The following FRMD4A variants were observed in gnomAD, a reference collection of about 807,000 sequenced individuals.
FRMD4A encodes the protein FERM domain containing 4A, also known as FERM domain-containing protein 4A.
FRMD4A carries 29 observed loss-of-function variants against 129.1 expected under a neutral mutation model. That is an observed-to-expected ratio of 0.22 (90% confidence interval 0.17 to 0.31). The LOEUF is 0.31. FRMD4A is among the 10% of genes least tolerant of loss of function. FRMD4A has a pLI of 1.00. For synonymous variants in FRMD4A, 634 were observed against 571.6 expected, an observed-to-expected ratio of 1.11 and a Z score of -1.56; for missense variants, 1,272 against 1,375.8, an observed-to-expected ratio of 0.92 and a Z score of 1.19.
At chr10:14,131,343 T>C (rs1011860028) in intron 2 of FRMD4A, among the ~76,000 whole-genome samples, 1 of 151,812 alleles carries the variant, frequency 6.6e-6, no homozygotes, top group African/African-American at 2.4e-5. Flanking sequence ...GATGGCAGAG[T>C]AGAAGCAAAG....
chr10:13,716,391 C>G (rs999204359), intron 12 of FRMD4A, among the ~76,000 whole-genome samples: 21 of 152,146 alleles, frequency 1.4e-4, no homozygotes, highest in African/African-American at 5.1e-4. Context: ...TCCCAAATAC[C>G]CAAACAATGA....
At chr10:13,826,206 A>T (rs1215717968) in intron 3 of FRMD4A, among the ~76,000 whole-genome samples, 2 of 152,222 alleles carry the variant, frequency 1.3e-5, no homozygotes, top group African/African-American at 4.8e-5. Context: ...AATCCCTATT[A>T]AAATTATCCC....
At chr10:14,123,407 C>A (rs1838648865) in intron 2 of FRMD4A, among the ~76,000 whole-genome samples, 1 of 152,224 alleles carries the variant, frequency 6.6e-6, no homozygotes, top group Admixed American at 6.5e-5. Flanking sequence ...AATTCCATTT[C>A]TCTTGCCAGC....
intron 14 of FRMD4A, among the ~76,000 whole-genome samples, chr10:13,695,132 G>A (rs74814631): frequency 0.023 from 3,437 of 149,974 alleles, 65 homozygotes; most frequent in African/African-American, 0.052. Flanking sequence ...TAAAAGCAGC[G>A]GTTTTTCAAA....
intron 8 of FRMD4A, among the ~76,000 whole-genome samples, chr10:13,749,258 G>C (rs1383023446): frequency 3.3e-5 from 5 of 152,216 alleles, no homozygotes; most frequent in Admixed American, 6.5e-5. Context: ...TATGTTAGCA[G>C]CTTCGAGGTT....
chr10:14,237,676 A>T (rs974181324), intron 2 of FRMD4A, among the ~76,000 whole-genome samples: 11 of 152,214 alleles, frequency 7.2e-5, no homozygotes, highest in Non-Finnish European at 1.5e-4. Context: ...AGAGACAGAG[A>T]GAATTCCAGC....
At chr10:13,850,285 A>T (rs1416697045) in intron 3 of FRMD4A, among the ~76,000 whole-genome samples, 2 of 151,482 alleles carry the variant, frequency 1.3e-5, no homozygotes, top group African/African-American at 2.4e-5. Flanking sequence ...AAAGTCATAC[A>T]TTTTTTTTTC....
chr10:13,751,064 A>T (rs2091600293), intron 8 of FRMD4A, among the ~76,000 whole-genome samples: 1 of 152,188 alleles, frequency 6.6e-6, no homozygotes, highest in Non-Finnish European at 1.5e-5. Flanking sequence ...ACTTTATTGG[A>T]TGAAACCATG....
intron 6 of FRMD4A, 130 bp from the exon 7 acceptor site, chr10:13,762,810 A>G: frequency 1.5e-6 from 1 of 650,724 alleles, no homozygotes; most frequent in Non-Finnish European, 2.8e-6. Context: ...CCTGGGCAAC[A>G]TAATGAGATG....
chr10:13,972,566 A>G (rs1294695709), intron 2 of FRMD4A, among the ~76,000 whole-genome samples: 1 of 152,016 alleles, frequency 6.6e-6, no homozygotes, highest in Non-Finnish European at 1.5e-5. Flanking sequence ...ATGAGGGGTT[A>G]CTTCCTATAA....
At chr10:14,248,333 C>A (rs1019322692) in intron 2 of FRMD4A, among the ~76,000 whole-genome samples, 2 of 152,166 alleles carry the variant, frequency 1.3e-5, no homozygotes, top group African/African-American at 4.8e-5. Flanking sequence ...AAATTTAATT[C>A]CGTTGCACAT....
At chr10:13,921,268 C>CTG (rs2095069604) in intron 2 of FRMD4A, among the ~76,000 whole-genome samples, 1 of 149,286 alleles carries the variant, frequency 6.7e-6, no homozygotes, top group South Asian at 2.2e-4. Context: ...CTCTCTCTTT[C>CTG]TCTCTTTCTT....
chr10:13,707,315 T>G, intron 12 of FRMD4A: 1 of 1,080,128 alleles, frequency 9.3e-7, no homozygotes, highest in Non-Finnish European at 1.2e-6. Flanking sequence ...CCAGGCAATG[T>G]GGGTGTGGAT....
chr10:14,301,953 GA>G, intron 2 of FRMD4A, among the ~76,000 whole-genome samples: 1 of 152,328 alleles, frequency 6.6e-6, no homozygotes, highest in East Asian at 1.9e-4. Flanking sequence ...CACCAGATAG[GA>G]AGGGACTGAG....
intron 2 of FRMD4A, among the ~76,000 whole-genome samples, chr10:14,094,906 T>C (rs10796153): frequency 0.65 from 99,364 of 152,070 alleles, 38,203 homozygotes; most frequent in East Asian, 0.93. Context: ...TGCCTGTGTA[T>C]GAATGTGTAT....
chr10:14,044,397 A>C (rs1833902876), intron 2 of FRMD4A, among the ~76,000 whole-genome samples: 1 of 152,220 alleles, frequency 6.6e-6, no homozygotes. Flanking sequence ...AAACCTATGA[A>C]TGTGACCTTA....
chr10:13,754,385 A>G (rs1416540017), intron 8 of FRMD4A, among the ~76,000 whole-genome samples: 1 of 152,202 alleles, frequency 6.6e-6, no homozygotes, highest in African/African-American at 2.4e-5. Flanking sequence ...ACTTTAGTGC[A>G]CAAAACAAAG....
intron 12 of FRMD4A, among the ~76,000 whole-genome samples, chr10:13,719,098 T>G (rs886565740): frequency 1.3e-5 from 2 of 152,160 alleles, no homozygotes; most frequent in Admixed American, 6.5e-5. Flanking sequence ...ACTTGAGCCC[T>G]CCTCTGTCTG....
intron 2 of FRMD4A, among the ~76,000 whole-genome samples, chr10:13,938,232 C>T (rs973409644): frequency 4.0e-5 from 6 of 151,558 alleles, no homozygotes; most frequent in Admixed American, 2.0e-4. Context: ...TTTGTTGTTG[C>T]TGTTTGTTTG....
Sources: allele counts gnomAD v4.1 joint callset (sites outside exome capture counted in the v4.1 genomes callset), GRCh38; gene constraint gnomAD v4.1.1; transcripts MANE v1.5; gene names NCBI Gene and HGNC (gene_info 2026-07-23, HGNC 2026-07-21).